Variants in CNIH3 observed in about 807,000 individuals in gnomAD.
The protein encoded by CNIH3 is cornichon family AMPA receptor auxiliary protein 3.
Under a neutral mutation model 24.1 loss-of-function variants are expected in CNIH3, and 14 were observed. That is an observed-to-expected ratio of 0.58 (90% CI 0.38 to 0.91). CNIH3 has a LOEUF of 0.91. Ranked by LOEUF, CNIH3 falls within the 40% of genes least tolerant of loss-of-function variation. CNIH3 has a pLI of 0.00. For missense variants in CNIH3, 178 were observed against 196.8 expected (o/e 0.90, Z 0.57); for synonymous variants, 68 against 73.8 (o/e 0.92, Z 0.40).
At chr1:224,580,137 G>T (rs1298503259) in intron 4 of CNIH3, among the ~76,000 whole-genome samples, 1 of 152,150 alleles carries the variant, frequency 6.6e-6, no homozygotes, top group East Asian at 1.9e-4. Flanking sequence ...TCAGCCAAGT[G>T]CTGAGGGAAT....
At chr1:224,552,283 C>T (rs1202982893) in intron 3 of CNIH3, among the ~76,000 whole-genome samples, 1 of 151,520 alleles carries the variant, frequency 6.6e-6, no homozygotes, top group Non-Finnish European at 1.5e-5. Context: ...AATAATATCA[C>T]AGGCCATACA....
intron 3 of CNIH3, 51 bp from the exon 4 acceptor site, chr1:224,730,411 A>G: frequency 8.5e-7 from 1 of 1,172,528 alleles, no homozygotes; most frequent in Non-Finnish European, 1.2e-6. Flanking sequence ...TAGAAGCAGG[A>G]GTGGCGTTTT....
Position 224,616,980 on chromosome 1 carries a change from G to A in CNIH3, c.-195G>A. Reference sequence around the variant, plus strand: ...GTCTTCGCCGGAGGGCCGGGTCTGGGGTCGCCGGAGCCTGCGGGAATCCAG... The same window carrying A: ...GTCTTCGCCGGAGGGCCGGGTCTGGAGTCGCCGGAGCCTGCGGGAATCCAG... On this transcript the variant is annotated 5_prime_UTR_variant, in exon 1 of 6. Coordinates refer to ENST00000272133, the MANE Select transcript of CNIH3 (RefSeq NM_152495.2). 7.1e-7 allele frequency: 1 copy of A among 1,413,982 alleles called. No homozygotes were observed. The highest frequency in any genetic ancestry group is 9.2e-7 in the Non-Finnish European group (1 of 1,089,814). The allele number at this position is 1,413,982 out of a possible 1,614,324, so 87.6% of individuals were successfully genotyped here. A position where few individuals can be genotyped will look rare whatever the true frequency, so the allele number is the denominator to read the frequency against.
At chr1:224,555,012 T>A (rs1680078834) in intron 3 of CNIH3, among the ~76,000 whole-genome samples, 1 of 152,150 alleles carries the variant, frequency 6.6e-6, no homozygotes, top group Non-Finnish European at 1.5e-5. Flanking sequence ...TATCAGGGAC[T>A]TGAGCATCCG....
At chr1:224,681,789 G>T (rs1399865854) in intron 2 of CNIH3, among the ~76,000 whole-genome samples, 1 of 152,208 alleles carries the variant, frequency 6.6e-6, no homozygotes, top group East Asian at 1.9e-4. Flanking sequence ...TATGTGGACA[G>T]AGCCTTTTCC....
intron 1 of CNIH3, among the ~76,000 whole-genome samples, chr1:224,622,773 G>C (rs901187484): frequency 6.6e-6 from 1 of 152,268 alleles, no homozygotes; most frequent in African/African-American, 2.4e-5. Context: ...CCCTGAAGCT[G>C]TGCCCAGGCC....
At chr1:224,634,817 C>T (rs945698842) in intron 1 of CNIH3, among the ~76,000 whole-genome samples, 1 of 152,138 alleles carries the variant, frequency 6.6e-6, no homozygotes, top group Non-Finnish European at 1.5e-5. Context: ...TTCACGTCCC[C>T]GATTCACACC....
At chr1:224,608,492 G>A (rs557991976) in intron 3 of CNIH3, among the ~76,000 whole-genome samples, 102 of 152,302 alleles carry the variant, frequency 6.7e-4, no homozygotes, top group Non-Finnish European at 1.0e-4. Flanking sequence ...AGCAGGGGGT[G>A]CGTGACTGGG....
At chr1:224,634,831 C>A (rs1362244167) in intron 1 of CNIH3, among the ~76,000 whole-genome samples, 1 of 152,216 alleles carries the variant, frequency 6.6e-6, no homozygotes, top group Non-Finnish European at 1.5e-5. Context: ...TCACACCAAG[C>A]CTCGGCCCTA....
intron 1 of CNIH3, among the ~76,000 whole-genome samples, chr1:224,640,623 T>G (rs10915684): frequency 0.59 from 89,217 of 152,128 alleles, 28,622 homozygotes; most frequent in African/African-American, 0.85. Flanking sequence ...GCTCATTAGT[T>G]TCTGTGCCCA....
intron 1 of CNIH3, among the ~76,000 whole-genome samples, chr1:224,488,010 C>T (rs1677094822): frequency 6.6e-6 from 1 of 151,924 alleles, no homozygotes; most frequent in African/African-American, 2.4e-5. Context: ...TACACCATTC[C>T]TGGTGCTTTA....
chr1:224,652,744 A>G (rs1684918604), intron 1 of CNIH3, among the ~76,000 whole-genome samples: 1 of 152,224 alleles, frequency 6.6e-6, no homozygotes, highest in Non-Finnish European at 1.5e-5. Context: ...CTGGACTTCC[A>G]GAAACCAAGC....
chr1:224,692,025 G>A (rs574618111), intron 3 of CNIH3, among the ~76,000 whole-genome samples: 316 of 152,360 alleles, frequency 2.1e-3, no homozygotes, highest in African/African-American at 7.0e-3. Flanking sequence ...AAAGGGCAGG[G>A]CGCAGTGGCT....
intron 1 of CNIH3, among the ~76,000 whole-genome samples, chr1:224,517,389 G>A (rs1487216247): frequency 6.6e-6 from 1 of 152,156 alleles, no homozygotes; most frequent in African/African-American, 2.4e-5. Context: ...ACCCCACAGG[G>A]TTTACTCACC....
chr1:224,587,660 C>T (rs144782291), intron 5 of CNIH3, among the ~76,000 whole-genome samples: 909 of 152,232 alleles, frequency 6.0e-3, no homozygotes, highest in Middle Eastern at 0.024. Context: ...GATCACAGGC[C>T]GGGCATAGTG....
At chr1:224,693,814 G>A (rs1687043832) in intron 3 of CNIH3, among the ~76,000 whole-genome samples, 1 of 152,220 alleles carries the variant, frequency 6.6e-6, no homozygotes, top group African/African-American at 2.4e-5. Context: ...GTCATTAGTG[G>A]AACTGGTGGT....
chr1:224,553,023 C>T (rs945268418), intron 3 of CNIH3, among the ~76,000 whole-genome samples: 1 of 150,220 alleles, frequency 6.7e-6, no homozygotes, highest in Non-Finnish European at 1.5e-5. Context: ...CAATACATCT[C>T]CCTTAGATAT....
intron 1 of CNIH3, among the ~76,000 whole-genome samples, chr1:224,480,650 G>C (rs952830517): frequency 1.3e-5 from 2 of 152,110 alleles, no homozygotes; most frequent in Admixed American, 6.5e-5. Context: ...AAAATCTCTA[G>C]GGCAGGGGCG....
rs1682335598 is a variant in CNIH3, at chr1:224,604,539, TG to T, written n.402+38277del. On this transcript the variant is annotated intron_variant and non_coding_transcript_variant, in intron 3 of 7. Transcript: ENST00000478120. This position sits in a 1 kb window ranked among gnomAD's most constrained non-coding sequence, Gnocchi z 4.4. The stretch of plus-strand genomic sequence containing the variant: ...TACGCCGCTTTGTGCCAGTGACTTG[TG>T]GAAGAGACAAGTCCTCAGAGATGTG... 6.6e-6 allele frequency among the ~76,000 whole-genome samples: 1 copy of T among 152,102 alleles called. No homozygotes were observed. Among genetic ancestry groups the T allele is most frequent in the South Asian group, 2.1e-4 (1 of 4,828 alleles).
Sources: allele counts gnomAD v4.1 joint callset (sites outside exome capture counted in the v4.1 genomes callset), GRCh38; gene constraint gnomAD v4.1.1; non-coding constraint Gnocchi (gnomAD v3.1); transcripts MANE v1.5; gene names NCBI Gene and HGNC (gene_info 2026-07-23, HGNC 2026-07-21).